ARHGAP25: variants seen among roughly 807,000 people sequenced by gnomAD.
ARHGAP25 encodes Rho GTPase activating protein 25.
ARHGAP25 carries 34 observed loss-of-function variants against 71.0 expected under a neutral mutation model. That is an observed-to-expected ratio of 0.48 (90% CI 0.36 to 0.64). ARHGAP25 has a LOEUF of 0.64. Ranked by LOEUF, ARHGAP25 falls within the 30% of genes least tolerant of loss-of-function variation. The pLI, the probability that ARHGAP25 is intolerant of heterozygous loss-of-function variation, is 0.00. For missense variants in ARHGAP25, 706 were observed against 805.1 expected, an observed-to-expected ratio of 0.88 and a Z score of 1.49; for synonymous variants, 282 against 296.5, an observed-to-expected ratio of 0.95 and a Z score of 0.50.
chr2:68,726,737 G>A (rs1323421206), intron 2 of ARHGAP25, among the ~76,000 whole-genome samples: 1 of 152,150 alleles, frequency 6.6e-6, no homozygotes, highest in Non-Finnish European at 1.5e-5. Context: ...GAGAGGAGGT[G>A]CCTCCAACTG....
At chr2:68,765,056 T>G (rs55746405) in intron 1 of ARHGAP25, among the ~76,000 whole-genome samples, 5,704 of 152,252 alleles carry the variant, frequency 0.037, 385 homozygotes, top group African/African-American at 0.13. Flanking sequence ...CAGACCACCC[T>G]TGGGCTCCCT....
At chr2:68,719,646 A>G (rs1279159397) in intron 2 of ARHGAP25, among the ~76,000 whole-genome samples, 8 of 152,204 alleles carry the variant, frequency 5.3e-5, no homozygotes, top group African/African-American at 1.9e-4. Flanking sequence ...CTTTGCTGTC[A>G]GATACCATTT....
intron 10 of ARHGAP25, 78 bp from the exon 11 acceptor site, chr2:68,825,909 G>T: frequency 8.1e-7 from 1 of 1,242,176 alleles, no homozygotes; most frequent in Non-Finnish European, 1.1e-6. Flanking sequence ...AAAATGAGCA[G>T]CAGGTTGTGA....
chr2:68,804,952 G>A (rs1680256291), intron 4 of ARHGAP25, among the ~76,000 whole-genome samples: 1 of 152,118 alleles, frequency 6.6e-6, no homozygotes, highest in Non-Finnish European at 1.5e-5. Flanking sequence ...GATGACACAG[G>A]TACATACAAA....
chr2:68,770,550 G>A (rs540953125), intron 1 of ARHGAP25, among the ~76,000 whole-genome samples: 2 of 152,308 alleles, frequency 1.3e-5, no homozygotes, highest in Admixed American at 1.3e-4. Flanking sequence ...TTTCTCAGCT[G>A]ACTTCTCTGT....
At chr2:68,731,821 CT>C (rs146984105), upstream of ARHGAP25, among the ~76,000 whole-genome samples, 1,504 of 152,182 alleles carry the variant, frequency 9.9e-3, 29 homozygotes, top group African/African-American at 0.034. Flanking sequence ...TACACCCCCC[CT>C]AGCTCCCTAC....
At position 68,807,295 on chromosome 2, in the gene ARHGAP25, T is replaced by A. The variant is rs1680445839; in HGVS notation, c.489T>A (p.Asp163Glu). 1.9e-6 allele frequency: 3 copies of A among 1,614,160 alleles called. No individual in the cohort carries two copies. The stretch of plus-strand genomic sequence containing the variant: ...CAGCAGTGTTTGGCCAGCGCTTGGA[T>A]GAGACTGTGGCCTATGAACAGAAAT... ...PCGAVFGQRL[D>E]ETVAYEQKFG... The change falls in exon 5 of 11, where the codon GAT becomes GAA. Residue 163 changes from aspartate to glutamate, a missense_variant. Physicochemically the swap from Asp to Glu is conservative, Grantham distance 45. Coordinates refer to ENST00000409202, the MANE Select transcript of ARHGAP25 (RefSeq NM_001007231.3).
At chr2:68,724,252 A>G (rs1038480790) in intron 2 of ARHGAP25, among the ~76,000 whole-genome samples, 3 of 152,206 alleles carry the variant, frequency 2.0e-5, no homozygotes, top group East Asian at 3.9e-4. Flanking sequence ...AACTCTCTGC[A>G]CTTCACACTG....
intron 2 of ARHGAP25, among the ~76,000 whole-genome samples, chr2:68,779,720 C>T (rs1285378697): frequency 6.6e-6 from 1 of 152,212 alleles, no homozygotes; most frequent in Non-Finnish European, 1.5e-5. Flanking sequence ...CATCTTTATA[C>T]AGAGCCCACC....
At chr2:68,728,929 A>AAGTTCTGAT (rs1674943381) in intron 2 of ARHGAP25, among the ~76,000 whole-genome samples, 1 of 152,244 alleles carries the variant, frequency 6.6e-6, no homozygotes. Context: ...AAAAGAAATA[A>AAGTTCTGAT]AGTTCTGATA....
chr2:68,787,355 C>G (rs1678829535), intron 3 of ARHGAP25, among the ~76,000 whole-genome samples: 1 of 152,180 alleles, frequency 6.6e-6, no homozygotes, highest in African/African-American at 2.4e-5. Flanking sequence ...CACCAAGCAC[C>G]AATTTTGTGA....
intron 2 of ARHGAP25, among the ~76,000 whole-genome samples, chr2:68,724,231 A>G (rs907738633): frequency 2.0e-5 from 3 of 151,990 alleles, no homozygotes; most frequent in Non-Finnish European, 2.9e-5. Flanking sequence ...TCTCTCCTGG[A>G]CTGGGCCCCA....
intron 1 of ARHGAP25, among the ~76,000 whole-genome samples, chr2:68,747,680 T>G (rs1229563856): frequency 6.6e-6 from 1 of 152,184 alleles, no homozygotes; most frequent in Non-Finnish European, 1.5e-5. Context: ...CACAGAATTC[T>G]GAATCATCCC....
intron 2 of ARHGAP25, among the ~76,000 whole-genome samples, chr2:68,726,616 AT>A (rs1220030331): frequency 1.3e-5 from 2 of 152,034 alleles, no homozygotes; most frequent in African/African-American, 2.4e-5. Context: ...CTATGGGACA[AT>A]TTTTTTTGGC....
chr2:68,767,682 G>A lies in ARHGAP25; in HGVS notation c.62-7539G>A, dbSNP rs1462998494. On this transcript the variant is annotated intron_variant, in intron 1 of 10. Coordinates refer to ENST00000409202, the MANE Select transcript of ARHGAP25 (RefSeq NM_001007231.3). This position sits in a 1 kb window ranked among gnomAD's most constrained non-coding sequence, Gnocchi z 4.6. ...CTCCACATGAGCTTGGGTAGCAGCTGGTAAGACGTGGCAGGATTACCTAAT... is the reference window on the plus strand; with the variant it reads ...CTCCACATGAGCTTGGGTAGCAGCTAGTAAGACGTGGCAGGATTACCTAAT... Among the ~76,000 whole-genome samples, 13 of 152,116 alleles carry A rather than the reference G, an allele frequency of 8.5e-5. 1 individual carries two copies. The highest frequency in any genetic ancestry group is 8.5e-4 in the Admixed American group (13 of 15,270).
upstream of ARHGAP25, among the ~76,000 whole-genome samples, chr2:68,730,035 G>A (rs1573384625): frequency 6.6e-6 from 1 of 152,282 alleles, no homozygotes; most frequent in East Asian, 1.9e-4. Flanking sequence ...TAAAAATCAT[G>A]AGGCCACTGA....
At chr2:68,723,175 G>T (rs1106237) in intron 2 of ARHGAP25, among the ~76,000 whole-genome samples, 3,747 of 152,302 alleles carry the variant, frequency 0.025, 146 homozygotes, top group African/African-American at 0.085. Flanking sequence ...TTCTTGCTGT[G>T]GGATTGTCAG....
chr2:68,824,702 A>G (rs1335008855), intron 10 of ARHGAP25, among the ~76,000 whole-genome samples: 4 of 152,156 alleles, frequency 2.6e-5, no homozygotes, highest in Non-Finnish European at 5.9e-5. Flanking sequence ...AGATCATGCC[A>G]CTGCACTCCA....
At position 68,767,330 on chromosome 2, in the gene ARHGAP25, A is replaced by G. The variant is rs4517997; in HGVS notation, c.62-7891A>G. Reference sequence around the variant, plus strand: ...GCGAGCCTGAAGTTTCTGAAGTCACATGTCCTAATTTCCTTCTGGGTGGAA... The same window carrying G: ...GCGAGCCTGAAGTTTCTGAAGTCACGTGTCCTAATTTCCTTCTGGGTGGAA... On this transcript the variant is annotated intron_variant, in intron 1 of 10. Coordinates refer to ENST00000409202, the MANE Select transcript of ARHGAP25 (RefSeq NM_001007231.3). This position sits in a 1 kb window ranked among gnomAD's most constrained non-coding sequence, Gnocchi z 4.6. 2.0e-5 allele frequency among the ~76,000 whole-genome samples: 3 copies of G among 151,932 alleles called. No individual in the cohort carries two copies. The East Asian group carries it at 5.8e-4, about 29-fold the overall frequency.
Sources: allele counts gnomAD v4.1 joint callset (sites outside exome capture counted in the v4.1 genomes callset), GRCh38; gene constraint gnomAD v4.1.1; non-coding constraint Gnocchi (gnomAD v3.1); transcripts MANE v1.5; gene names NCBI Gene and HGNC (gene_info 2026-07-23, HGNC 2026-07-21).